MREG: variants seen among roughly 807,000 people sequenced by gnomAD.
MREG encodes melanoregulin.
A neutral mutation model predicts 28.5 loss-of-function variants in MREG; 31 were observed. The ratio of observed to expected loss-of-function variants is 1.09; its 90% CI spans 0.82 to 1.47. The LOEUF is 1.47. Ranked by LOEUF, MREG falls within the 40% of genes most tolerant of loss-of-function variation. The pLI is 0.00. For missense variants in MREG, 256 were observed against 257.4 expected (o/e 0.99, Z 0.04); for synonymous variants, 106 against 95.2 (o/e 1.11, Z -0.66).
intron 2 of MREG, among the ~76,000 whole-genome samples, chr2:215,984,194 A>G (rs1381052821): frequency 1.3e-5 from 2 of 152,178 alleles, no homozygotes; most frequent in Admixed American, 1.3e-4. Flanking sequence ...AAACCATCAG[A>G]TCTCATGACA....
intron 2 of MREG, among the ~76,000 whole-genome samples, chr2:215,990,335 C>G (rs980426225): frequency 1.5e-4 from 23 of 152,132 alleles, no homozygotes. Flanking sequence ...CCTGTACAGA[C>G]AAGCAAATAC....
In MREG at chr2:216,012,053, T is replaced by C. The variant is rs1694325748; in HGVS notation, c.95+1180A>G. Among the ~76,000 whole-genome samples, 3 of 152,226 alleles carry C rather than the reference T, an allele frequency of 2.0e-5. No homozygotes were observed. In the South Asian group the frequency reaches 6.2e-4, roughly 31 times the overall value. ...TACATGAGTTACATGTTTATATACATGTGTGCTTACCAAACAGCGAGGAGT... is the reference window on the plus strand; with the variant it reads ...TACATGAGTTACATGTTTATATACACGTGTGCTTACCAAACAGCGAGGAGT... On this transcript the variant is annotated intron_variant, in intron 1 of 4. Transcript: ENST00000263268.
At position 215,984,814 on chromosome 2, in the gene MREG, C is replaced by T. The variant is rs151229449; in HGVS notation, c.255+11492G>A. ...CACTTTCTGAAACGTGGTCACCATC[C>T]TCAGACCAAATGTAGCTGTCATCCC... On this transcript the variant is annotated intron_variant, in intron 2 of 4. Coordinates refer to ENST00000263268, the MANE Select transcript of MREG (RefSeq NM_018000.3). Among the ~76,000 whole-genome samples the T allele has an allele frequency of 5.9e-5, 9 of 152,310 alleles. No individual in the cohort carries two copies. The East Asian group carries it at 1.5e-3, about 26-fold the overall frequency.
chr2:215,970,641 T>C (rs909181799), intron 2 of MREG, among the ~76,000 whole-genome samples: 3 of 152,188 alleles, frequency 2.0e-5, no homozygotes, highest in Non-Finnish European at 4.4e-5. Context: ...AGTCTGAGCT[T>C]CACCCCTGAC....
At chr2:216,021,013 C>A (rs140407292) in intron 1 of MREG, among the ~76,000 whole-genome samples, 2 of 152,230 alleles carry the variant, frequency 1.3e-5, no homozygotes, top group Non-Finnish European at 2.9e-5. Context: ...TCTCACAGAG[C>A]GATGATCCTA....
intron 2 of MREG, among the ~76,000 whole-genome samples, chr2:215,958,163 A>C (rs989015508): frequency 1.3e-5 from 2 of 151,722 alleles, no homozygotes; most frequent in African/African-American, 4.8e-5. Flanking sequence ...GCTAAATGAC[A>C]AGTTAATGGG....
intron 2 of MREG, among the ~76,000 whole-genome samples, chr2:215,950,698 T>C (rs1692459160): frequency 1.3e-5 from 2 of 152,172 alleles, no homozygotes; most frequent in African/African-American, 4.8e-5. Context: ...AGTAGAAGCA[T>C]TGACAGGGTT....
At chr2:215,988,871 G>A (rs540568348) in intron 2 of MREG, among the ~76,000 whole-genome samples, 17 of 152,334 alleles carry the variant, frequency 1.1e-4, no homozygotes, top group Non-Finnish European at 2.2e-4. Flanking sequence ...GGGCATATCA[G>A]AAAGAAAGGC....
At chr2:216,026,629 G>A (rs1011533348) in intron 1 of MREG, among the ~76,000 whole-genome samples, 6 of 152,220 alleles carry the variant, frequency 3.9e-5, no homozygotes, top group African/African-American at 1.4e-4. Flanking sequence ...ACAAAGTGCT[G>A]GGATTACAGG....
chr2:215,962,990 T>C lies in MREG; in HGVS notation c.256-15877A>G, dbSNP rs117951927. 1.7e-3 allele frequency among the ~76,000 whole-genome samples: 265 copies of C among 152,084 alleles called. 4 individuals are homozygous for C. In the East Asian group the frequency reaches 0.041, roughly 24 times the overall value. ...GTCCCTACAAAATATACAAAAGGCA[T>C]AGTTGTGCACACCTGTAGCCCCAGC... On this transcript the variant is annotated intron_variant, in intron 2 of 4. Transcript: ENST00000263268.
At chr2:215,954,738 T>C in intron 2 of MREG, among the ~76,000 whole-genome samples, 1 of 152,058 alleles carries the variant, frequency 6.6e-6, no homozygotes, top group East Asian at 1.9e-4. Context: ...AGTTTCACTC[T>C]TGTTGCCCAG....
intron 1 of MREG, among the ~76,000 whole-genome samples, chr2:216,025,466 G>A (rs1414849384): frequency 6.6e-6 from 1 of 152,214 alleles, no homozygotes; most frequent in Non-Finnish European, 1.5e-5. Flanking sequence ...TATTATGAGT[G>A]TGCATAGAAC....
chr2:216,019,380 A>C (rs1694489733), intron 1 of MREG, among the ~76,000 whole-genome samples: 1 of 151,930 alleles, frequency 6.6e-6, no homozygotes, highest in South Asian at 2.1e-4. Flanking sequence ...GTCAGGTGAG[A>C]TTTTTATTTC....
chr2:215,971,036 A>C (rs1462433942), intron 2 of MREG, among the ~76,000 whole-genome samples: 8 of 152,146 alleles, frequency 5.3e-5, no homozygotes, highest in Non-Finnish European at 1.0e-4. Flanking sequence ...TAACACAGGA[A>C]CAGAAAACCA....
intron 1 of MREG, among the ~76,000 whole-genome samples, chr2:215,998,320 A>T (rs3770552): frequency 0.56 from 76,981 of 138,680 alleles, 21,934 homozygotes; most frequent in Admixed American, 0.61. Flanking sequence ...AAAAAAAAAA[A>T]AATAATAATA....
At chr2:215,946,998 A>G in intron 3 of MREG, 25 bp downstream of exon 3, 1 of 1,348,174 alleles carries the variant, frequency 7.4e-7, no homozygotes, top group Non-Finnish European at 1.1e-6. Context: ...TATTTTTACC[A>G]TTTCACAATC....
downstream of MREG, chr2:215,939,758 C>T (rs1390949845): frequency 6.6e-6 from 1 of 152,164 alleles, no homozygotes; most frequent in African/African-American, 2.4e-5. Context: ...AATGATTAAG[C>T]AACCATCTCT....
At chr2:215,961,130 G>T (rs867030686) in intron 2 of MREG, among the ~76,000 whole-genome samples, 1 of 152,250 alleles carries the variant, frequency 6.6e-6, no homozygotes, top group East Asian at 1.9e-4. Flanking sequence ...GGTTGGCAGG[G>T]GGTGGAGGCC....
chr2:215,965,280 A>G (rs1574607371), intron 2 of MREG, among the ~76,000 whole-genome samples: 1 of 152,362 alleles, frequency 6.6e-6, no homozygotes, highest in East Asian at 1.9e-4. Flanking sequence ...TGCATGTCCC[A>G]GTATTCAGCT....
Sources: gnomAD v4.1 joint callset for allele counts (sites outside exome capture counted in the v4.1 genomes callset) on GRCh38, gnomAD v4.1.1 for gene constraint, MANE v1.5 for transcripts, NCBI Gene and HGNC (gene_info 2026-07-23, HGNC 2026-07-21) for gene names.